The following FSIP1 variants were observed in gnomAD, a reference collection of about 807,000 sequenced individuals.
The protein encoded by FSIP1 is fibrous sheath interacting protein 1, also known as fibrous sheath-interacting protein 1.
A neutral mutation model predicts 60.9 loss-of-function variants in FSIP1; 65 were observed. The ratio of observed to expected loss-of-function variants is 1.07; its 90% CI spans 0.87 to 1.31. The LOEUF (loss-of-function observed/expected upper bound fraction) is 1.31, where lower values mean the gene tolerates loss of function less well. FSIP1 is among the 40% of genes most tolerant of loss of function. The pLI, the probability that FSIP1 is intolerant of heterozygous loss-of-function variation, is 0.00. For synonymous variants in FSIP1, 209 were observed against 221.2 expected, an observed-to-expected ratio of 0.94 and a Z score of 0.49; for missense variants, 675 against 665.5, an observed-to-expected ratio of 1.01 and a Z score of -0.16.
At chr15:39,737,252 G>A (rs901468687) in intron 8 of FSIP1, among the ~76,000 whole-genome samples, 2 of 152,028 alleles carry the variant, frequency 1.3e-5, no homozygotes, top group African/African-American at 2.4e-5. Flanking sequence ...AAATACCTGC[G>A]TTTGCCCCAC....
chr15:39,722,915 G>GC (rs1896039271), intron 9 of FSIP1, among the ~76,000 whole-genome samples: 1 of 151,870 alleles, frequency 6.6e-6, no homozygotes, highest in Non-Finnish European at 1.5e-5. Context: ...TGGGTGACAA[G>GC]CGAGACCTTG....
At chr15:39,697,238 C>G (rs1595626675) in intron 10 of FSIP1, among the ~76,000 whole-genome samples, 2 of 152,134 alleles carry the variant, frequency 1.3e-5, no homozygotes, top group East Asian at 1.9e-4. Context: ...AAGTGTGTTT[C>G]TAGATATACC....
intron 3 of FSIP1, among the ~76,000 whole-genome samples, chr15:39,767,889 G>C (rs140329762): frequency 1.3e-5 from 2 of 152,260 alleles, no homozygotes; most frequent in African/African-American, 4.8e-5. Context: ...CATGTGATTC[G>C]ATTCTTCTGG....
intron 10 of FSIP1, among the ~76,000 whole-genome samples, chr15:39,681,754 A>ATGGCC (rs1277508341): frequency 6.6e-6 from 1 of 152,230 alleles, no homozygotes; most frequent in Non-Finnish European, 1.5e-5. Context: ...TGCAAAACAC[A>ATGGCC]TGGGCTCAGG....
At chr15:39,688,528 T>G (rs1894472766) in intron 10 of FSIP1, among the ~76,000 whole-genome samples, 1 of 152,212 alleles carries the variant, frequency 6.6e-6, no homozygotes. Flanking sequence ...ATATGGCTTT[T>G]GCACCATCAT....
At chr15:39,632,893 AGG>A in intron 10 of FSIP1, among the ~76,000 whole-genome samples, 1 of 152,192 alleles carries the variant, frequency 6.6e-6, no homozygotes, top group Non-Finnish European at 1.5e-5. Context: ...AACTTCAAGT[AGG>A]CAGGGCAAAA....
At chr15:39,705,597 T>C (rs1006681463) in intron 10 of FSIP1, among the ~76,000 whole-genome samples, 3 of 152,208 alleles carry the variant, frequency 2.0e-5, no homozygotes, top group African/African-American at 4.8e-5. Flanking sequence ...CTTCAGATGG[T>C]TGTTAGTATA....
chr15:39,741,720 T>C (rs1896806380), intron 6 of FSIP1, 85 bp downstream of exon 6: 1 of 710,482 alleles, frequency 1.4e-6, no homozygotes, highest in Non-Finnish European at 2.4e-6. Context: ...TTAAATTACA[T>C]GAACTTATTT....
At chr15:39,685,154 C>A (rs80176388) in intron 10 of FSIP1, among the ~76,000 whole-genome samples, 1 of 152,190 alleles carries the variant, frequency 6.6e-6, no homozygotes, top group Non-Finnish European at 1.5e-5. Context: ...ATTCCAAGAG[C>A]ATCTTTAGGG....
intron 9 of FSIP1, among the ~76,000 whole-genome samples, chr15:39,714,706 T>C (rs1421217948): frequency 1.3e-5 from 2 of 151,552 alleles, no homozygotes; most frequent in Non-Finnish European, 2.9e-5. Context: ...TGGTGGCTCA[T>C]ACCTGTAACC....
At chr15:39,693,786 T>C (rs761986700) in intron 10 of FSIP1, among the ~76,000 whole-genome samples, 44 of 152,184 alleles carry the variant, frequency 2.9e-4, no homozygotes, top group Non-Finnish European at 3.8e-4. Context: ...GGAAGTCAGA[T>C]GTGGGTTATG....
chr15:39,721,677 G>A (rs1386897307), intron 9 of FSIP1, among the ~76,000 whole-genome samples: 1 of 152,178 alleles, frequency 6.6e-6, no homozygotes, highest in African/African-American at 2.4e-5. Context: ...CATGAAGTGG[G>A]CCTTAGGGCC....
At chr15:39,746,454 T>A (rs1896996732) in intron 5 of FSIP1, among the ~76,000 whole-genome samples, 1 of 152,176 alleles carries the variant, frequency 6.6e-6, no homozygotes, top group Non-Finnish European at 1.5e-5. Flanking sequence ...AGAAAACAAC[T>A]GGACAGAAAG....
chr15:39,724,140 AT>A (rs1555395581), intron 9 of FSIP1, among the ~76,000 whole-genome samples: 2 of 152,230 alleles, frequency 1.3e-5, no homozygotes, highest in Non-Finnish European at 2.9e-5. Flanking sequence ...TGTAACAAAA[AT>A]GTAAGGTACT....
At chr15:39,603,850 C>T (rs140982450) in intron 11 of FSIP1, among the ~76,000 whole-genome samples, 154 of 152,268 alleles carry the variant, frequency 1.0e-3, no homozygotes, top group African/African-American at 2.9e-3. Context: ...CCATTTAGTC[C>T]GGAGCTTCTC....
chr15:39,695,798 G>A (rs1430444067), intron 10 of FSIP1, among the ~76,000 whole-genome samples: 1 of 152,172 alleles, frequency 6.6e-6, no homozygotes, highest in African/African-American at 2.4e-5. Flanking sequence ...AAACCAGTGA[G>A]CTTACTACTT....
At chr15:39,704,428 T>A (rs1033877610) in intron 10 of FSIP1, among the ~76,000 whole-genome samples, 36 of 152,206 alleles carry the variant, frequency 2.4e-4, no homozygotes, top group African/African-American at 8.2e-4. Context: ...AAGATGTATA[T>A]CCGGTTGGTA....
At chr15:39,615,208 C>A (rs1156564629) in intron 11 of FSIP1, among the ~76,000 whole-genome samples, 2 of 152,008 alleles carry the variant, frequency 1.3e-5, no homozygotes, top group Non-Finnish European at 2.9e-5. Flanking sequence ...TTGGTCTGAG[C>A]AGTGACTTTT....
Position 39,645,465 on chromosome 15 carries a change from C to T in FSIP1, c.1189-27220G>A, listed in dbSNP as rs372021173. On this transcript the variant is annotated intron_variant, in intron 10 of 11. Transcript: ENST00000350221. Reference sequence around the variant, plus strand: ...CGCCCTCCTGGGTGAGGCTACAGGCCACCTAAACTACAGCTGTGAATCCAA... The same window carrying T: ...CGCCCTCCTGGGTGAGGCTACAGGCTACCTAAACTACAGCTGTGAATCCAA... Among the ~76,000 whole-genome samples, 43 of 152,204 alleles carry T rather than the reference C, an allele frequency of 2.8e-4. No homozygotes were observed. The East Asian group carries it at 6.8e-3, about 24-fold the overall frequency.
Sources: allele counts gnomAD v4.1 joint callset (sites outside exome capture counted in the v4.1 genomes callset), GRCh38; gene constraint gnomAD v4.1.1; transcripts MANE v1.5; gene names NCBI Gene and HGNC (gene_info 2026-07-23, HGNC 2026-07-21).